The following TSNAX variants were observed in gnomAD, a reference collection of about 807,000 sequenced individuals.
TSNAX encodes the protein translin associated factor X.
TSNAX carries 12 observed loss-of-function variants against 33.0 expected under a neutral mutation model. The ratio of observed to expected loss-of-function variants is 0.36; its 90% CI spans 0.23 to 0.59. The LOEUF is 0.59. TSNAX is among the 20% of genes least tolerant of loss of function. The probability of loss-of-function intolerance (pLI) is 0.74; values close to 1 mark genes in which losing one functional copy is unlikely to be tolerated. For missense variants in TSNAX, 267 were observed against 341.3 expected (o/e 0.78, Z 1.72); for synonymous variants, 110 against 117.2 (o/e 0.94, Z 0.40).
At chr1:231,560,808 C>T (rs928336148) in intron 4 of TSNAX, among the ~76,000 whole-genome samples, 5 of 151,948 alleles carry the variant, frequency 3.3e-5, no homozygotes, top group East Asian at 1.9e-4. Flanking sequence ...TACAGGCGCC[C>T]GCCACCATGT....
intron 4 of TSNAX, among the ~76,000 whole-genome samples, chr1:231,543,073 G>A (rs1659681219): frequency 6.6e-6 from 1 of 151,830 alleles, no homozygotes. Flanking sequence ...AGCTACTCCG[G>A]AGGCTGAGGC....
chr1:231,561,810 C>T (rs1029156246), intron 5 of TSNAX, among the ~76,000 whole-genome samples: 1 of 152,142 alleles, frequency 6.6e-6, no homozygotes, highest in Non-Finnish European at 1.5e-5. Context: ...AAGGATTTGA[C>T]TTAAAGGTTA....
intron 2 of TSNAX, chr1:231,534,394 CAA>C: frequency 6.6e-6 from 1 of 152,252 alleles, no homozygotes; most frequent in African/African-American, 2.4e-5. Context: ...GCAGACCAGA[CAA>C]GAGACTATTT....
intron 5 of TSNAX, among the ~76,000 whole-genome samples, chr1:231,561,569 T>C (rs1661116451): frequency 6.6e-6 from 1 of 152,262 alleles, no homozygotes; most frequent in African/African-American, 2.4e-5. Context: ...TTAATCCTTT[T>C]ATTAACCATA....
intron 4 of TSNAX, among the ~76,000 whole-genome samples, chr1:231,556,687 G>T (rs531698408): frequency 6.6e-6 from 1 of 152,258 alleles, no homozygotes; most frequent in Admixed American, 6.5e-5. Flanking sequence ...TTTTTATACT[G>T]TCTCCCTACC....
At chr1:231,557,053 A>T (rs1168853336) in intron 4 of TSNAX, among the ~76,000 whole-genome samples, 1 of 152,134 alleles carries the variant, frequency 6.6e-6, no homozygotes, top group African/African-American at 2.4e-5. Flanking sequence ...AGATGGGGGG[A>T]GACCAGGACA....
intron 4 of TSNAX, among the ~76,000 whole-genome samples, chr1:231,545,747 T>C (rs1316006685): frequency 6.6e-6 from 1 of 152,230 alleles, no homozygotes; most frequent in Non-Finnish European, 1.5e-5. Context: ...TCCAAGAATG[T>C]GAATGATGGG....
chr1:231,551,798 T>TA (rs750366346), intron 4 of TSNAX, among the ~76,000 whole-genome samples: 4,265 of 77,704 alleles, frequency 0.055, 184 homozygotes, highest in African/African-American at 0.15. Flanking sequence ...TACAAAAAAG[T>TA]AAAAAAAAAA....
rs1003957253 is a variant in TSNAX, at chr1:231,566,521, T to G, written c.*1616T>G. The G allele has an allele frequency of 6.6e-6, 1 of 152,162 alleles. No homozygotes were observed. The highest frequency in any genetic ancestry group is 2.4e-5 in the African/African-American group (1 of 41,450). The allele number at this position is 152,162 out of a possible 1,614,324, so 9.4% of individuals were successfully genotyped here. A position where few individuals can be genotyped will look rare whatever the true frequency, so the allele number is the denominator to read the frequency against. ...GAAAATAAAACATGGACATGCCTAGTAAATTCTGTTTTTTTGTTTGTTCGT... is the reference window on the plus strand; with the variant it reads ...GAAAATAAAACATGGACATGCCTAGGAAATTCTGTTTTTTTGTTTGTTCGT... On this transcript the variant is annotated 3_prime_UTR_variant, in exon 6 of 6. Transcript: ENST00000366639.
At chr1:231,554,484 A>G (rs1195937914) in intron 4 of TSNAX, 1 of 152,172 alleles carries the variant, frequency 6.6e-6, no homozygotes, top group Non-Finnish European at 1.5e-5. Context: ...AGGGTGCAAA[A>G]TAGGTGATCA....
chr1:231,552,059 G>A (rs953484495), intron 4 of TSNAX, among the ~76,000 whole-genome samples: 1 of 152,130 alleles, frequency 6.6e-6, no homozygotes, highest in African/African-American at 2.4e-5. Flanking sequence ...ACTTTGGGAG[G>A]CCAAGGTGGG....
At chr1:231,532,900 C>T (rs1276138776) in intron 2 of TSNAX, among the ~76,000 whole-genome samples, 1 of 152,052 alleles carries the variant, frequency 6.6e-6, no homozygotes, top group African/African-American at 2.4e-5. Context: ...AGAGACAGTA[C>T]TTTTAGGTAC....
intron 4 of TSNAX, among the ~76,000 whole-genome samples, chr1:231,559,998 T>G (rs570988629): frequency 6.7e-6 from 1 of 150,296 alleles, no homozygotes; most frequent in East Asian, 1.9e-4. Flanking sequence ...TTTTTTTTTT[T>G]GCGACGAGTC....
At chr1:231,532,773 A>G (rs115801312) in intron 2 of TSNAX, among the ~76,000 whole-genome samples, 1,653 of 152,238 alleles carry the variant, frequency 0.011, 28 homozygotes, top group African/African-American at 0.037. Context: ...ATACATACCT[A>G]TATTTAAAGA....
At chr1:231,533,966 G>T (rs1472668715) in intron 2 of TSNAX, among the ~76,000 whole-genome samples, 1 of 152,120 alleles carries the variant, frequency 6.6e-6, no homozygotes, top group Non-Finnish European at 1.5e-5. Context: ...TCTCAATAAG[G>T]TTCCTTCCAG....
chr1:231,552,288 G>GA (rs1257052889), intron 4 of TSNAX, among the ~76,000 whole-genome samples: 5 of 150,922 alleles, frequency 3.3e-5, no homozygotes, highest in African/African-American at 4.9e-5. Flanking sequence ...GGTTGTCTCA[G>GA]AAAAAAAACC....
intron 3 of TSNAX, among the ~76,000 whole-genome samples, chr1:231,541,597 T>TATTC (rs67556360): frequency 2.2e-5 from 1 of 45,324 alleles, no homozygotes; most frequent in African/African-American, 2.8e-4. Context: ...ATAAGAAAAA[T>TATTC]ATTTATCCAC....
At chr1:231,535,936 G>A (rs1398947016) in intron 2 of TSNAX, 1 of 152,210 alleles carries the variant, frequency 6.6e-6, no homozygotes, top group East Asian at 1.9e-4. Flanking sequence ...ATGTGGAAGT[G>A]TTGAGTCTTC....
chr1:231,560,436 C>T (rs1630259), intron 4 of TSNAX, among the ~76,000 whole-genome samples: 37,058 of 78,302 alleles, frequency 0.47, 9,663 homozygotes, highest in Middle Eastern at 0.68. Context: ...TTTTTTGAGA[C>T]GAAGTCTCGC....
Sources: allele counts gnomAD v4.1 joint callset (sites outside exome capture counted in the v4.1 genomes callset), GRCh38; gene constraint gnomAD v4.1.1; transcripts MANE v1.5; gene names NCBI Gene and HGNC (gene_info 2026-07-23, HGNC 2026-07-21).